The following GDPD4 variants were observed in gnomAD, a reference collection of about 807,000 sequenced individuals.
The protein encoded by GDPD4 is glycerophosphodiester phosphodiesterase 6.
GDPD4 carries 60 observed loss-of-function variants against 67.8 expected under a neutral mutation model. The ratio of observed to expected loss-of-function variants is 0.88; its 90% confidence interval spans 0.72 to 1.10. The LOEUF (loss-of-function observed/expected upper bound fraction) is 1.10, where lower values mean the gene tolerates loss of function less well. GDPD4 is among the 50% of genes least tolerant of loss of function. The pLI, the probability that GDPD4 is intolerant of heterozygous loss-of-function variation, is 0.00. For synonymous variants in GDPD4, 212 were observed against 210.9 expected, an observed-to-expected ratio of 1.00 and a Z score of -0.04; for missense variants, 623 against 613.9, an observed-to-expected ratio of 1.01 and a Z score of -0.16.
At chr11:77,279,834 A>T (rs924845919) in intron 3 of GDPD4, among the ~76,000 whole-genome samples, 1 of 151,904 alleles carries the variant, frequency 6.6e-6, no homozygotes, top group Non-Finnish European at 1.5e-5. Flanking sequence ...TTAAAAAAAA[A>T]GCCCCAATTT....
In GDPD4 at chr11:77,262,755, C is replaced by T. The variant is rs551277349; in HGVS notation, c.708-4213G>A. On this transcript the variant is annotated intron_variant, in intron 10 of 16. Coordinates refer to ENST00000315938, the MANE Select transcript of GDPD4 (RefSeq NM_182833.3). ...CTGCACACTTCAGCCCACTCCAAAA[C>T]CATTAAAAACTCTAGCCCCAAACTC... Among the ~76,000 whole-genome samples, 4 of 148,746 alleles carry T rather than the reference C, an allele frequency of 2.7e-5. No individual in the cohort carries two copies. In the East Asian group the frequency reaches 8.0e-4, roughly 30 times the overall value.
chr11:77,268,506 T>G lies in GDPD4; in HGVS notation c.658A>C (p.Lys220Gln). 6.2e-7 allele frequency: 1 copy of G among 1,613,316 alleles called. No homozygotes were observed. Among genetic ancestry groups the G allele is most frequent in the Non-Finnish European group, 8.5e-7 (1 of 1,179,422 alleles). Residue 220 changes from lysine (K) to glutamine (Q), a missense_variant, in exon 10 of 17, where the codon AAA (lysine) becomes CAA (glutamine). Physicochemically the swap from Lys to Gln is moderately conservative, Grantham distance 53. Coordinates refer to ENST00000315938, the MANE Select transcript of GDPD4 (RefSeq NM_182833.3). Reference protein sequence around the residue: ...GPENTMMSFEKAVEHGAHGLE... With the variant: ...GPENTMMSFEQAVEHGAHGLE... ...CCATGGGCTCCATGTTCAACAGCTT[T>G]CTCAAAGGACATCATGGTATTCTCA... is the stretch of plus-strand genomic sequence containing the variant.
intron 16 of GDPD4, among the ~76,000 whole-genome samples, chr11:77,218,732 T>A (rs1958172466): frequency 6.6e-6 from 1 of 152,236 alleles, no homozygotes; most frequent in Non-Finnish European, 1.5e-5. Flanking sequence ...TCCTTTTTTG[T>A]GGCTGCATAA....
At chr11:77,246,063 T>C (rs1958778488) in intron 11 of GDPD4, among the ~76,000 whole-genome samples, 1 of 152,184 alleles carries the variant, frequency 6.6e-6, no homozygotes, top group Non-Finnish European at 1.5e-5. Flanking sequence ...GGCAAAAGTA[T>C]CACTTGAGGC....
intron 1 of GDPD4, among the ~76,000 whole-genome samples, chr11:77,292,929 A>G (rs1247658628): frequency 6.6e-6 from 1 of 152,182 alleles, no homozygotes; most frequent in Non-Finnish European, 1.5e-5. Context: ...CCCTTTATCT[A>G]TCAAGTAAAT....
chr11:77,241,293 A>T (rs1958658722), intron 13 of GDPD4, among the ~76,000 whole-genome samples: 1 of 152,206 alleles, frequency 6.6e-6, no homozygotes, highest in Admixed American at 6.5e-5. Flanking sequence ...ATGGTTGAGC[A>T]TGGGCGACAT....
intron 1 of GDPD4, among the ~76,000 whole-genome samples, chr11:77,294,720 C>T (rs1038028643): frequency 1.3e-5 from 2 of 152,074 alleles, no homozygotes; most frequent in African/African-American, 4.8e-5. Flanking sequence ...TATTTTGACT[C>T]AAACTACCTG....
rs149778627 is a variant in GDPD4 at position 77,285,096 on chromosome 11, A to G, written c.42T>C (p.Phe14=). 1.5e-5 allele frequency: 24 copies of G among 1,611,080 alleles called. No homozygotes were observed. The African/African-American group carries it at 2.1e-4, about 14-fold the overall frequency. ...FLWIETSSEY[F]NFDWVTFLGT... ...AAAGTGAAACTCACCAGTCAAAGTT[A>G]AAGTATTCACTGGATGTTTCTATCC... Residue 14 remains phenylalanine (F), a synonymous_variant, in exon 3 of 17, where the codon TTT becomes TTC. Coordinates refer to ENST00000315938, the MANE Select transcript of GDPD4 (RefSeq NM_182833.3).
At chr11:77,245,208 A>G (rs773139875) in intron 12 of GDPD4, 73 bp downstream of exon 12, 3 of 1,114,478 alleles carry the variant, frequency 2.7e-6, no homozygotes, top group East Asian at 2.4e-5. Context: ...AGGTAGGTCA[A>G]GTTCAACTAC....
intron 2 of GDPD4, among the ~76,000 whole-genome samples, chr11:77,286,434 C>T (rs1430858974): frequency 6.6e-6 from 1 of 152,176 alleles, no homozygotes; most frequent in Non-Finnish European, 1.5e-5. Flanking sequence ...GGCCGAATAT[C>T]TGGGCAGGAA....
At chr11:77,247,382 AATTCAAAAT>A (rs1340965154) in intron 11 of GDPD4, among the ~76,000 whole-genome samples, 1 of 152,214 alleles carries the variant, frequency 6.6e-6, no homozygotes, top group African/African-American at 2.4e-5. Context: ...CAAGACCAAA[AATTCAAAAT>A]AGCAAAGATG....
rs749077948 is a variant in GDPD4 at position 77,217,099 on chromosome 11, C to T, written c.*178G>A. The T allele has an allele frequency of 2.8e-6, 2 of 709,888 alleles. No individual in the cohort carries two copies. The highest frequency in any genetic ancestry group is 1.7e-5 in the African/African-American group (1 of 57,376). 44.0% of individuals were successfully genotyped at this position (709,888 alleles called of 1,614,324 possible). A position where few individuals can be genotyped will look rare whatever the true frequency, so the allele number is the denominator to read the frequency against. On this transcript the variant is annotated 3_prime_UTR_variant, in exon 17 of 17. Transcript: ENST00000315938. ...GTGGTTGAATCTCATGCTTGCCAGG[C>T]TTCAAAGGTGTGACAGCATTCTTGA...
At chr11:77,274,310 G>A (rs1470606914) in intron 5 of GDPD4, among the ~76,000 whole-genome samples, 1 of 152,084 alleles carries the variant, frequency 6.6e-6, no homozygotes, top group East Asian at 1.9e-4. Context: ...ATAAGGCTTG[G>A]ACCTGTGTTC....
chr11:77,276,347 C>CTTTA (rs1191509968), intron 4 of GDPD4, 127 bp from the exon 5 acceptor site: 4 of 725,312 alleles, frequency 5.5e-6, no homozygotes, highest in Admixed American at 2.1e-5. Flanking sequence ...TATACCTGTA[C>CTTTA]TTTATTTAGC....
chr11:77,222,627 T>C (rs944238107), intron 16 of GDPD4, among the ~76,000 whole-genome samples: 23 of 152,234 alleles, frequency 1.5e-4, no homozygotes, highest in Non-Finnish European at 2.6e-4. Flanking sequence ...CTTCCCTTTG[T>C]GGGTAACCCG....
chr11:77,221,402 C>A (rs527646779), intron 16 of GDPD4, among the ~76,000 whole-genome samples: 2 of 152,294 alleles, frequency 1.3e-5, no homozygotes, highest in East Asian at 1.9e-4. Context: ...CACTGCTTTA[C>A]ATGTGTCCCA....
At chr11:77,220,800 C>T (rs563237403) in intron 16 of GDPD4, among the ~76,000 whole-genome samples, 1 of 152,072 alleles carries the variant, frequency 6.6e-6, no homozygotes, top group Non-Finnish European at 1.5e-5. Flanking sequence ...CTCTTTGTAT[C>T]TCTGGTAGAA....
rs552203349 is a variant in GDPD4 at position 77,251,352 on chromosome 11, C to A, written c.865-5850G>T. Among the ~76,000 whole-genome samples, 33 of 152,070 alleles carry A rather than the reference C, an allele frequency of 2.2e-4. No homozygotes were observed. In the East Asian group the frequency reaches 5.2e-3, roughly 24 times the overall value. On this transcript the variant is annotated intron_variant, in intron 11 of 16. Transcript: ENST00000315938. ...CATGTTTTCATAATGGTGATTATCA[C>A]CTTTTTGCTTCCAGATGCAGGGATC... is the stretch of plus-strand genomic sequence containing the variant.
chr11:77,266,749 T>TA (rs144842084), intron 10 of GDPD4, among the ~76,000 whole-genome samples: 6 of 151,424 alleles, frequency 4.0e-5, no homozygotes, highest in African/African-American at 7.3e-5. Context: ...ACAAAAAAGT[T>TA]AAAAAAAAAT....
Sources: gnomAD v4.1 joint callset for allele counts (sites outside exome capture counted in the v4.1 genomes callset) on GRCh38, gnomAD v4.1.1 for gene constraint, MANE v1.5 for transcripts, NCBI Gene and HGNC (gene_info 2026-07-23, HGNC 2026-07-21) for gene names.